The following MECOM variants were observed in gnomAD, a reference collection of about 807,000 sequenced individuals.
MECOM encodes MDS1 and EVI1 complex locus, also known as histone-lysine N-methyltransferase MECOM.
MECOM carries 13 observed loss-of-function variants against 116.3 expected under a neutral mutation model. That is an observed-to-expected ratio of 0.11 (90% CI 0.07 to 0.18). MECOM has a LOEUF of 0.18. MECOM is among the 10% of genes least tolerant of loss of function. The pLI, the probability that MECOM is intolerant of heterozygous loss-of-function variation, is 1.00. For synonymous variants in MECOM, 528 were observed against 535.2 expected, an observed-to-expected ratio of 0.99 and a Z score of 0.19; for missense variants, 1,299 against 1,509.0, an observed-to-expected ratio of 0.86 and a Z score of 2.31.
At chr3:169,454,570 A>T (rs1230841252) in intron 1 of MECOM, among the ~76,000 whole-genome samples, 1 of 152,144 alleles carries the variant, frequency 6.6e-6, no homozygotes, top group Non-Finnish European at 1.5e-5. Flanking sequence ...AGACAGATGA[A>T]GATACCTACC....
At chr3:169,288,604 A>G (rs2149691282) in intron 2 of MECOM, among the ~76,000 whole-genome samples, 1 of 152,224 alleles carries the variant, frequency 6.6e-6, no homozygotes, top group East Asian at 1.9e-4. Flanking sequence ...ATCAAATCAC[A>G]TTCACGCTTA....
rs1748069672 is a variant in MECOM, at chr3:169,194,063, CAT to C, written c.376-50233_376-50232del. The stretch of plus-strand genomic sequence containing the variant: ...ATGAAAATTTTATTGAATAATGACT[CAT>C]ATATGCTTTTCAAAGATAGTGAGAA... On this transcript the variant is annotated intron_variant, in intron 2 of 16. Coordinates refer to ENST00000651503, the MANE Select transcript of MECOM (RefSeq NM_004991.4). Among the ~76,000 whole-genome samples the C allele has an allele frequency of 1.3e-5, 2 of 151,942 alleles. 1 individual carries two copies. The highest frequency in any genetic ancestry group is 1.3e-4 in the Admixed American group (2 of 15,232).
chr3:169,597,872 C>A (rs1444061256), intron 1 of MECOM, among the ~76,000 whole-genome samples: 1 of 152,152 alleles, frequency 6.6e-6, no homozygotes, highest in Non-Finnish European at 1.5e-5. Flanking sequence ...CATACAGAGA[C>A]AATTTCAAAT....
At chr3:169,088,937 C>G (rs1363045114) in intron 16 of MECOM, 63 bp downstream of exon 16, 3 of 1,300,672 alleles carry the variant, frequency 2.3e-6, no homozygotes, top group African/African-American at 1.5e-5. Context: ...TTTTGGTAAT[C>G]AAAGGAAATG....
chr3:169,511,968 A>C (rs891236645), intron 1 of MECOM, among the ~76,000 whole-genome samples: 5 of 151,936 alleles, frequency 3.3e-5, no homozygotes, highest in Non-Finnish European at 5.9e-5. Flanking sequence ...TTCTGGACAC[A>C]CTCCTCTAAG....
intron 1 of MECOM, among the ~76,000 whole-genome samples, chr3:169,621,527 C>A (rs896099663): frequency 4.6e-5 from 7 of 152,114 alleles, no homozygotes; most frequent in Non-Finnish European, 1.0e-4. Flanking sequence ...GAGGCCAAGG[C>A]GGGCAGATTA....
At chr3:169,397,391 G>T (rs1293050490) in intron 1 of MECOM, among the ~76,000 whole-genome samples, 2 of 152,280 alleles carry the variant, frequency 1.3e-5, no homozygotes, top group Non-Finnish European at 2.9e-5. Context: ...AATGATAGAC[G>T]ATGAAAACCT....
At chr3:169,635,303 T>C (rs1772596328) in intron 1 of MECOM, among the ~76,000 whole-genome samples, 1 of 152,226 alleles carries the variant, frequency 6.6e-6, no homozygotes, top group Non-Finnish European at 1.5e-5. Flanking sequence ...GCCTATGAGC[T>C]TTATTATTAT....
At chr3:169,205,665 A>G (rs1447003058) in intron 2 of MECOM, among the ~76,000 whole-genome samples, 1 of 152,192 alleles carries the variant, frequency 6.6e-6, no homozygotes, top group Non-Finnish European at 1.5e-5. Flanking sequence ...AGGATTCAGG[A>G]AGAGGAAGAT....
At chr3:169,595,672 C>CA (rs1425844456) in intron 1 of MECOM, among the ~76,000 whole-genome samples, 1 of 152,112 alleles carries the variant, frequency 6.6e-6, no homozygotes, top group African/African-American at 2.4e-5. Context: ...TATTTTTGAT[C>CA]AAATTCAACC....
At chr3:169,607,316 A>C (rs1481962449) in intron 1 of MECOM, among the ~76,000 whole-genome samples, 2 of 152,238 alleles carry the variant, frequency 1.3e-5, no homozygotes, top group Non-Finnish European at 2.9e-5. Flanking sequence ...AATATGAAAT[A>C]AAACTCATGC....
chr3:169,540,633 C>T (rs571091344), intron 1 of MECOM, among the ~76,000 whole-genome samples: 1 of 152,228 alleles, frequency 6.6e-6, no homozygotes, highest in South Asian at 2.1e-4. Flanking sequence ...TCACTGATCA[C>T]CTACTATGTA....
At chr3:169,217,302 A>G (rs1167075084) in intron 2 of MECOM, among the ~76,000 whole-genome samples, 1 of 152,164 alleles carries the variant, frequency 6.6e-6, no homozygotes, top group Non-Finnish European at 1.5e-5. Flanking sequence ...TGGAGACAAT[A>G]AAATATATAA....
intron 2 of MECOM, among the ~76,000 whole-genome samples, chr3:169,378,493 GAAAGAAAGAAAGAAAGAAAGA>G (rs1347862200): frequency 1.6e-4 from 5 of 30,906 alleles, no homozygotes; most frequent in East Asian, 1.6e-3. Context: ...GAGAGAGAAA[GAAAGAAAGAAAGAAAGAAAGA>G]AAAGAAAGAA....
At chr3:169,586,781 T>C (rs1479741240) in intron 1 of MECOM, among the ~76,000 whole-genome samples, 2 of 152,242 alleles carry the variant, frequency 1.3e-5, no homozygotes, top group African/African-American at 4.8e-5. Flanking sequence ...TCTGACCAGA[T>C]ACACAAGTGA....
At chr3:169,485,069 A>G (rs976333818) in intron 1 of MECOM, among the ~76,000 whole-genome samples, 57 of 152,062 alleles carry the variant, frequency 3.7e-4, no homozygotes, top group Admixed American at 3.7e-3. Flanking sequence ...ATATCGGCTC[A>G]CTGCAACCTC....
In MECOM at chr3:169,472,627, GAAAA is replaced by G. The variant is rs1749674003; in HGVS notation, c.38-91107_38-91104del. Among the ~76,000 whole-genome samples the G allele has an allele frequency of 4.4e-5, 3 of 67,864 alleles. 1 individual carries two copies. The highest frequency in any genetic ancestry group is 7.6e-5 in the Non-Finnish European group (3 of 39,626). 44.5% of individuals were successfully genotyped at this position (67,864 alleles called of 152,430 possible). On this transcript the variant is annotated intron_variant, in intron 1 of 16. Transcript: ENST00000651503. ...GGAAAGGAAAGGAAAGAAAAGAAAAGAAAAGAAAAGGAAAGGAAAGGAAAAGAAA... is the reference window on the plus strand; with the variant it reads ...GGAAAGGAAAGGAAAGAAAAGAAAAGGAAAAGGAAAGGAAAGGAAAAGAAA...
At chr3:169,097,358 A>G (rs1380965533) in intron 12 of MECOM, among the ~76,000 whole-genome samples, 1 of 152,046 alleles carries the variant, frequency 6.6e-6, no homozygotes, top group Non-Finnish European at 1.5e-5. Context: ...AATGTTCTAA[A>G]TAAAAAAATC....
chr3:169,092,203 T>C (rs933687539), intron 14 of MECOM, among the ~76,000 whole-genome samples: 3 of 151,950 alleles, frequency 2.0e-5, no homozygotes, highest in Non-Finnish European at 4.4e-5. Context: ...TTGGTGATGA[T>C]AAAAGGGAGC....
Sources: gnomAD v4.1 joint callset for allele counts (sites outside exome capture counted in the v4.1 genomes callset) on GRCh38, gnomAD v4.1.1 for gene constraint, MANE v1.5 for transcripts, NCBI Gene and HGNC (gene_info 2026-07-23, HGNC 2026-07-21) for gene names.